UGGT2: variants seen among roughly 807,000 people sequenced by gnomAD.
UGGT2 encodes UDP-glucose glycoprotein glucosyltransferase 2.
In UGGT2, 180 loss-of-function variants were observed where a neutral mutation model predicts 192.1. That is an observed-to-expected ratio of 0.94 (90% CI 0.83 to 1.06). UGGT2 has a LOEUF of 1.06. Among genes scored for constraint, UGGT2 ranks in the 50% least tolerant of loss-of-function variants. The pLI, the probability that UGGT2 is intolerant of heterozygous loss-of-function variation, is 0.00. For synonymous variants in UGGT2, 580 were observed against 591.0 expected, an observed-to-expected ratio of 0.98 and a Z score of 0.27; for missense variants, 1,849 against 1,795.7, an observed-to-expected ratio of 1.03 and a Z score of -0.54.
chr13:95,983,092 G>T (rs1458467187), intron 10 of UGGT2, among the ~76,000 whole-genome samples: 1 of 152,158 alleles, frequency 6.6e-6, no homozygotes, highest in Non-Finnish European at 1.5e-5. Flanking sequence ...TTCCCGCGCA[G>T]CCTAAGGTGG....
In UGGT2 at chr13:95,860,790, T is replaced by TA. The variant is rs746042520; in HGVS notation, c.3737dup (p.Leu1246PhefsTer11). ...ATAAGGTTAAAAAATATACCTACCT[T>TA]AAAAAACGTTCATATAAATGACCAG... On this transcript the variant is annotated frameshift_variant, in exon 32 of 39. Transcript: ENST00000376747. LOFTEE classifies it high-confidence loss of function. 9 of 1,508,558 alleles carry TA rather than the reference T, an allele frequency of 6.0e-6. No homozygotes were observed. The East Asian group carries it at 9.6e-5, about 16-fold the overall frequency. The allele number at this position is 1,508,558 out of a possible 1,614,324, so 93.4% of individuals were successfully genotyped here.
At chr13:95,943,124 T>C (rs187999551) in intron 15 of UGGT2, among the ~76,000 whole-genome samples, 3 of 152,180 alleles carry the variant, frequency 2.0e-5, no homozygotes, top group African/African-American at 4.8e-5. Context: ...ATACATCTTA[T>C]TACCTGGTAT....
Position 95,956,047 on chromosome 13 carries a change from T to C in UGGT2, c.1336-6593A>G, listed in dbSNP as rs146459287. ...CTGCTCAATAAATTTAAGCCACTGT[T>C]GTTAGTAAAAGGCAATCACAAAGCA... On this transcript the variant is annotated intron_variant, in intron 12 of 38. Coordinates refer to ENST00000376747, the MANE Select transcript of UGGT2 (RefSeq NM_020121.4). Among the ~76,000 whole-genome samples the C allele has an allele frequency of 1.7e-3, 260 of 152,328 alleles. 2 individuals carry two copies. Among genetic ancestry groups the C allele is most frequent in the African/African-American group, 5.9e-3 (244 of 41,576 alleles).
chr13:95,821,362 G>C (rs536928920), intron 38 of UGGT2, among the ~76,000 whole-genome samples: 2 of 152,034 alleles, frequency 1.3e-5, no homozygotes, highest in South Asian at 4.1e-4. Flanking sequence ...ATTTTTTCAT[G>C]TTTGTTGGCC....
chr13:95,922,396 A>G (rs2048873995), intron 20 of UGGT2, among the ~76,000 whole-genome samples: 1 of 152,202 alleles, frequency 6.6e-6, no homozygotes, highest in Non-Finnish European at 1.5e-5. Flanking sequence ...TAGAAGCTCC[A>G]GCCTCAGCAT....
chr13:95,961,992 G>A (rs896152478), intron 12 of UGGT2, among the ~76,000 whole-genome samples: 1 of 152,064 alleles, frequency 6.6e-6, no homozygotes. Flanking sequence ...GAATTACTGG[G>A]TCAAGGAAGA....
At chr13:95,921,807 A>G (rs1442757441) in intron 20 of UGGT2, among the ~76,000 whole-genome samples, 2 of 152,220 alleles carry the variant, frequency 1.3e-5, no homozygotes, top group East Asian at 3.8e-4. Flanking sequence ...GCAGAGAAAA[A>G]GGGAATGCCT....
intron 17 of UGGT2, among the ~76,000 whole-genome samples, chr13:95,933,932 C>T (rs1417321369): frequency 1.3e-5 from 2 of 152,160 alleles, no homozygotes; most frequent in Admixed American, 6.5e-5. Context: ...GATCTGCCCA[C>T]CTCGGCCTCC....
At chr13:96,011,003 T>A (rs933907700) in intron 5 of UGGT2, among the ~76,000 whole-genome samples, 1 of 152,142 alleles carries the variant, frequency 6.6e-6, no homozygotes, top group African/African-American at 2.4e-5. Context: ...TAAAGGAAAT[T>A]CAATGGAGAA....
intron 17 of UGGT2, among the ~76,000 whole-genome samples, chr13:95,931,789 G>A (rs9556508): frequency 0.37 from 55,484 of 151,914 alleles, 10,465 homozygotes; most frequent in Middle Eastern, 0.42. Context: ...TGAACGTGGC[G>A]CGGAGCCCTG....
At chr13:95,865,064 A>G (rs1890523889) in intron 30 of UGGT2, among the ~76,000 whole-genome samples, 1 of 152,136 alleles carries the variant, frequency 6.6e-6, no homozygotes, top group Non-Finnish European at 1.5e-5. Flanking sequence ...TATTGCAGTG[A>G]CCCACTTTTC....
chr13:95,925,814 T>A (rs1224516034), intron 19 of UGGT2, 40 bp from the exon 20 acceptor site: 7 of 1,428,090 alleles, frequency 4.9e-6, no homozygotes, highest in South Asian at 1.5e-5. Context: ...AACTTTTTTT[T>A]TAAAAAATAA....
rs755239409 is a variant in UGGT2 at position 95,884,530 on chromosome 13, C to T, written c.3189G>A (p.Val1063=). ...TATTATCAAGGTCACAGTTGCTGTG[C>T]ACTGTTTCAACCAACCAGCCTTCTG... ...ITPEGWLVET[V]HSNCDLDNIH... Residue 1063 remains valine, a synonymous_variant, in exon 27 of 39, where the codon GTG becomes GTA. Transcript: ENST00000376747. 6.2e-7 allele frequency: 1 copy of T among 1,613,686 alleles called. No individual in the cohort carries two copies. Among genetic ancestry groups the T allele is most frequent in the Non-Finnish European group, 8.5e-7 (1 of 1,179,812 alleles).
At chr13:96,006,623 C>CAAAAAAAAAAAAAAAAAA (rs61256349) in intron 5 of UGGT2, among the ~76,000 whole-genome samples, 1 of 93,470 alleles carries the variant, frequency 1.1e-5, no homozygotes, top group Non-Finnish European at 2.0e-5. Flanking sequence ...GATTCTGCCT[C>CAAAAAAAAAAAAAAAAAA]AAAAAAAAAA....
intron 10 of UGGT2, among the ~76,000 whole-genome samples, chr13:95,982,379 T>C (rs1319106146): frequency 4.6e-5 from 7 of 152,330 alleles, no homozygotes; most frequent in South Asian, 4.1e-4. Context: ...GGACCAGGCA[T>C]GTTCAAAACG....
Position 96,053,237 on chromosome 13 carries a change from A to T in UGGT2, c.76T>A (p.Ser26Thr). Residue 26 changes from serine to threonine, a missense_variant, in exon 1 of 39, where the codon TCC (serine) becomes ACC (threonine). Coordinates refer to ENST00000376747, the MANE Select transcript of UGGT2 (RefSeq NM_020121.4). ...STALWLSQLG[S>T]GTVAASKSVT... ...GACTTGGACGCGGCGACCGTCCCGG[A>T]GCCGAGCTGCGAAAGCCACAGCGCT... 1.9e-6 allele frequency: 3 copies of T among 1,550,258 alleles called. No individual in the cohort carries two copies. Among genetic ancestry groups the T allele is most frequent in the Non-Finnish European group, 2.6e-6 (3 of 1,155,474 alleles).
intron 11 of UGGT2, 136 bp from the exon 12 acceptor site, chr13:95,970,398 C>T (rs755042029): frequency 2.7e-6 from 2 of 727,748 alleles, no homozygotes; most frequent in Non-Finnish European, 4.5e-6. Context: ...ATATATTAAA[C>T]TCATTAAGAA....
chr13:95,864,889 C>T (rs1890505953), intron 30 of UGGT2, among the ~76,000 whole-genome samples: 1 of 152,162 alleles, frequency 6.6e-6, no homozygotes, highest in Non-Finnish European at 1.5e-5. Flanking sequence ...TAAATCTTCA[C>T]ACTTCAGAAA....
chr13:96,033,125 G>A (rs1393874306), intron 1 of UGGT2, among the ~76,000 whole-genome samples: 1 of 152,206 alleles, frequency 6.6e-6, no homozygotes, highest in African/African-American at 2.4e-5. Context: ...ACAAATCGCT[G>A]CTCAAGGAGA....
Sources: allele counts gnomAD v4.1 joint callset (sites outside exome capture counted in the v4.1 genomes callset), GRCh38; gene constraint gnomAD v4.1.1; transcripts MANE v1.5; gene names NCBI Gene and HGNC (gene_info 2026-07-23, HGNC 2026-07-21).